NEK6: variants seen among roughly 807,000 people sequenced by gnomAD.
NEK6 encodes the protein NIMA related kinase 6.
Under a neutral mutation model 43.5 loss-of-function variants are expected in NEK6, and 27 were observed. That is an observed-to-expected ratio of 0.62 (90% CI 0.46 to 0.86). The LOEUF is 0.86. NEK6 is among the 40% of genes least tolerant of loss of function. The pLI, the probability that NEK6 is intolerant of heterozygous loss-of-function variation, is 0.00. For missense variants in NEK6, 318 were observed against 414.4 expected, an observed-to-expected ratio of 0.77 and a Z score of 2.02; for synonymous variants, 167 against 164.1, an observed-to-expected ratio of 1.02 and a Z score of -0.14.
intron 9 of NEK6, among the ~76,000 whole-genome samples, chr9:124,350,553 A>C (rs1830211204): frequency 6.6e-6 from 1 of 152,172 alleles, no homozygotes; most frequent in South Asian, 2.1e-4. Flanking sequence ...TGGTGTGGAC[A>C]GCTACAAGTT....
Position 124,339,483 on chromosome 9 carries a change from C to T in NEK6, c.623-88C>T, listed in dbSNP as rs971297566. The T allele has an allele frequency of 6.8e-6, 6 of 877,286 alleles. No homozygotes were observed. The African/African-American group carries it at 9.8e-5, about 14-fold the overall frequency. 54.3% of individuals were successfully genotyped at this position (877,286 alleles called of 1,614,324 possible). ...ACCGAGGCACAATCTCTCCCCAGCT[C>T]CCGTGTGCCCTCCCTCCAACCTCAC... On this transcript the variant is annotated intron_variant, in intron 7 of 9. Coordinates refer to ENST00000320246, the MANE Select transcript of NEK6 (RefSeq NM_014397.6).
intron 1 of NEK6, among the ~76,000 whole-genome samples, chr9:124,295,693 C>T (rs949895199): frequency 1.3e-5 from 2 of 152,330 alleles, no homozygotes; most frequent in South Asian, 4.1e-4. Flanking sequence ...CGGCACTGGG[C>T]ACCTGCCTGG....
At chr9:124,292,370 C>T in intron 1 of NEK6, 1 of 1,511,422 alleles carries the variant, frequency 6.6e-7, no homozygotes, top group East Asian at 2.5e-5. Flanking sequence ...TTGGCCAGAA[C>T]TTCTGAGTTT....
At chr9:124,279,111 A>G (rs1831778338) in intron 1 of NEK6, among the ~76,000 whole-genome samples, 1 of 149,878 alleles carries the variant, frequency 6.7e-6, no homozygotes, top group Non-Finnish European at 1.5e-5. Flanking sequence ...GGGGGCTTCA[A>G]CCTGTCTTGG....
chr9:124,326,204 C>CCACCCCCCCCCCCCCCCCCCCCCCCCCCA lies in NEK6; in HGVS notation c.406-125_406-124insACCCCCCCCCCCCCCCCCCCCCCCCCCAC. 1.3e-5 allele frequency: 1 copy of CCACCCCCCCCCCCCCCCCCCCCCCCCCCA among 77,492 alleles called. No individual in the cohort carries two copies. The highest frequency in any genetic ancestry group is 2.3e-5 in the Non-Finnish European group (1 of 42,922). 4.8% of individuals were successfully genotyped at this position (77,492 alleles called of 1,614,324 possible). A position where few individuals can be genotyped will look rare whatever the true frequency, so the allele number is the denominator to read the frequency against. The stretch of plus-strand genomic sequence containing the variant: ...TTATTGTTTGCTCAGTGGCTCAATC[C>CCACCCCCCCCCCCCCCCCCCCCCCCCCCA]CCCCCCCCCGCCCCTGCCAGGCACC... On this transcript the variant is annotated intron_variant, in intron 5 of 9. Coordinates refer to ENST00000320246, the MANE Select transcript of NEK6 (RefSeq NM_014397.6). The surrounding 1 kb of genome is among the most constrained non-coding windows in gnomAD (Gnocchi z 4.5).
Position 124,347,805 on chromosome 9 carries a change from G to C in NEK6, c.814G>C (p.Glu272Gln). The change falls in exon 9 of 10, where the codon GAG (glutamate) becomes CAG (glutamine). Residue 272 changes from glutamate to glutamine, a missense_variant. This residue lies in a region of NEK6 where 79 missense variants were observed against 70.0 expected (regional missense o/e 1.13). Transcript: ENST00000320246. ...GTGTGACTACCCCCCACTCCCCGGG[G>C]AGCACTACTCCGAGAAGGTGAGTTT... ...EQCDYPPLPG[E>Q]HYSEKLRELV... 1 of 1,611,488 alleles carries C rather than the reference G, an allele frequency of 6.2e-7. No homozygotes were observed. The highest frequency in any genetic ancestry group is 8.5e-7 in the Non-Finnish European group (1 of 1,178,128).
intron 2 of NEK6, among the ~76,000 whole-genome samples, chr9:124,305,837 G>A (rs1036567785): frequency 6.6e-6 from 1 of 152,222 alleles, no homozygotes; most frequent in Non-Finnish European, 1.5e-5. Context: ...ACCTGAAGGT[G>A]CATGGCCAAT....
chr9:124,330,888 C>T (rs1828946687), intron 7 of NEK6, among the ~76,000 whole-genome samples: 1 of 152,154 alleles, frequency 6.6e-6, no homozygotes, highest in Admixed American at 6.5e-5. Context: ...CCAGAGCCGC[C>T]CTCACTTCGT....
Position 124,343,977 on chromosome 9 carries a change from C to T in NEK6, c.718-3732C>T, listed in dbSNP as rs923926205. Among the ~76,000 whole-genome samples the T allele has an allele frequency of 3.9e-5, 6 of 152,216 alleles. No individual in the cohort carries two copies. Among genetic ancestry groups the T allele is most frequent in the East Asian group, 1.9e-4 (1 of 5,194 alleles). ...GAGGCCAGATGTCCAAAATCAGTCT[C>T]GCTGGGCTAAGTCAAGGTGTCAGCG... On this transcript the variant is annotated intron_variant, in intron 8 of 9. Transcript: ENST00000320246. This position sits in a 1 kb window ranked among gnomAD's most constrained non-coding sequence, Gnocchi z 5.1.
intron 1 of NEK6, among the ~76,000 whole-genome samples, chr9:124,268,989 AT>A (rs1410119877): frequency 4.6e-5 from 7 of 152,184 alleles, no homozygotes; most frequent in Non-Finnish European, 2.9e-5. Flanking sequence ...GAGGGAGCAG[AT>A]TCCTGTGATC....
intron 1 of NEK6, among the ~76,000 whole-genome samples, chr9:124,267,666 C>T (rs995143378): frequency 1.3e-5 from 2 of 152,198 alleles, no homozygotes; most frequent in African/African-American, 4.8e-5. Flanking sequence ...TGCTGGGCCG[C>T]CCCTGAGCTG....
upstream of NEK6, chr9:124,257,803 G>T (rs1830863944): frequency 2.9e-6 from 4 of 1,387,500 alleles, no homozygotes; most frequent in East Asian, 1.1e-4. Context: ...GAACTCGGCG[G>T]AGTCGAGGGG....
intron 8 of NEK6, among the ~76,000 whole-genome samples, chr9:124,339,869 G>A (rs540471061): frequency 4.0e-5 from 6 of 150,436 alleles, no homozygotes; most frequent in Non-Finnish European, 5.9e-5. Context: ...GGTGGAGGCT[G>A]TTAGAGGGTG....
chr9:124,306,596 T>C (rs909248132), intron 2 of NEK6, among the ~76,000 whole-genome samples: 6 of 152,182 alleles, frequency 3.9e-5, no homozygotes, highest in Non-Finnish European at 8.8e-5. Context: ...GCTGATGTCA[T>C]AATCTGCCAT....
Position 124,264,416 on chromosome 9 carries a change from C to T in NEK6, c.-30+6331C>T, listed in dbSNP as rs1032907477. Among the ~76,000 whole-genome samples the T allele has an allele frequency of 5.3e-5, 8 of 152,282 alleles. No homozygotes were observed. The South Asian group carries it at 6.2e-4, about 12-fold the overall frequency. On this transcript the variant is annotated intron_variant, in intron 1 of 9. Transcript: ENST00000320246. ...GGCCAGTAACACCAGGCACCAGCCCCGTGATCCTCAGGCACCCTTGGGGGT... is the reference window on the plus strand; with the variant it reads ...GGCCAGTAACACCAGGCACCAGCCCTGTGATCCTCAGGCACCCTTGGGGGT...
intron 1 of NEK6, among the ~76,000 whole-genome samples, chr9:124,283,403 G>A (rs757592745): frequency 2.3e-4 from 35 of 152,376 alleles, no homozygotes; most frequent in Non-Finnish European, 5.1e-4. Flanking sequence ...AGACGACCGG[G>A]CAGGGGTGGG....
chr9:124,268,445 AC>A (rs1404826580), intron 1 of NEK6, among the ~76,000 whole-genome samples: 5 of 152,254 alleles, frequency 3.3e-5, no homozygotes, highest in African/African-American at 1.2e-4. Context: ...GCTGTGTGCC[AC>A]AGGTGAATGC....
intron 4 of NEK6, among the ~76,000 whole-genome samples, chr9:124,317,338 C>T (rs1282092771): frequency 6.6e-6 from 1 of 152,070 alleles, no homozygotes; most frequent in East Asian, 1.9e-4. Context: ...CTACAACCTC[C>T]GAGTAGCTGG....
intron 1 of NEK6, among the ~76,000 whole-genome samples, chr9:124,268,456 C>T (rs1831307474): frequency 2.0e-5 from 3 of 152,216 alleles, no homozygotes. Flanking sequence ...CAGGTGAATG[C>T]ATTCACTTCC....
Sources: allele counts gnomAD v4.1 joint callset (sites outside exome capture counted in the v4.1 genomes callset), GRCh38; gene constraint gnomAD v4.1.1; regional missense constraint gnomAD v4.1.1; non-coding constraint Gnocchi (gnomAD v3.1); transcripts MANE v1.5; gene names NCBI Gene and HGNC (gene_info 2026-07-23, HGNC 2026-07-21).